The following NUMB variants were observed in gnomAD, a reference collection of about 807,000 sequenced individuals.
NUMB encodes protein numb homolog.
NUMB carries 29 observed loss-of-function variants against 59.7 expected under a neutral mutation model. That is an observed-to-expected ratio of 0.49 (90% confidence interval 0.36 to 0.66). The LOEUF (loss-of-function observed/expected upper bound fraction) is 0.66, where lower values mean the gene tolerates loss of function less well. Among genes scored for constraint, NUMB ranks in the 30% least tolerant of loss-of-function variants. The pLI is 0.00. For missense variants in NUMB, 723 were observed against 822.0 expected (o/e 0.88, Z 1.47); for synonymous variants, 288 against 288.2 (o/e 1.00, Z 0.01).
chr14:73,276,411 T>G lies in NUMB; in HGVS notation c.*167A>C. ...TTCTCTAGGAATGCTTTTTCCCATG[T>G]CTTTCAAAATCACCCCTCACAGTAC... On this transcript the variant is annotated 3_prime_UTR_variant, in exon 13 of 13. Transcript: ENST00000555238. 1 of 577,276 alleles carries G rather than the reference T, an allele frequency of 1.7e-6. No homozygotes were observed. The allele number at this position is 577,276 out of a possible 1,614,324, so 35.8% of individuals were successfully genotyped here.
At chr14:73,452,934 T>C (rs183742404) in intron 1 of NUMB, among the ~76,000 whole-genome samples, 10 of 152,252 alleles carry the variant, frequency 6.6e-5, no homozygotes, top group African/African-American at 2.4e-4. Context: ...AGGAGAATGT[T>C]GCAAATAGAA....
intron 1 of NUMB, among the ~76,000 whole-genome samples, chr14:73,436,375 A>G (rs1898054572): frequency 6.6e-6 from 1 of 152,106 alleles, no homozygotes; most frequent in South Asian, 2.1e-4. Context: ...GGACCACAGT[A>G]GCGTGATCTC....
rs1048890717 is a variant in NUMB at position 73,410,417 on chromosome 14, G to A, written c.-232-349C>T. 2.4e-4 allele frequency among the ~76,000 whole-genome samples: 36 copies of A among 152,142 alleles called. 1 individual carries two copies. Among genetic ancestry groups the A allele is most frequent in the African/African-American group, 8.4e-4 (35 of 41,432 alleles). ...TTGGGCTAGGAGTCAGAAGACCTGG[G>A]TTCCAAACTCAGTGATCATTCTCCC... On this transcript the variant is annotated intron_variant, in intron 1 of 12. Coordinates refer to ENST00000555238, the MANE Select transcript of NUMB (RefSeq NM_001005743.2).
intron 2 of NUMB, among the ~76,000 whole-genome samples, chr14:73,372,004 G>A (rs1276749765): frequency 1.3e-5 from 2 of 151,988 alleles, no homozygotes; most frequent in Non-Finnish European, 2.9e-5. Flanking sequence ...GGCAGGCGTG[G>A]GAGGATCACT....
intron 4 of NUMB, among the ~76,000 whole-genome samples, chr14:73,347,327 T>C (rs940752326): frequency 2.0e-5 from 3 of 152,202 alleles, no homozygotes; most frequent in Non-Finnish European, 4.4e-5. Context: ...ACTGTACATA[T>C]TTAAACTCTA....
At chr14:73,435,642 A>C (rs896091678) in intron 1 of NUMB, among the ~76,000 whole-genome samples, 1 of 152,068 alleles carries the variant, frequency 6.6e-6, no homozygotes, top group Non-Finnish European at 1.5e-5. Context: ...CATTCACCCA[A>C]GAGAAATGAA....
At chr14:73,411,883 G>GTGCT (rs1327079893) in intron 1 of NUMB, among the ~76,000 whole-genome samples, 1 of 149,500 alleles carries the variant, frequency 6.7e-6, no homozygotes, top group Non-Finnish European at 1.5e-5. Context: ...CAATGCAATA[G>GTGCT]TGCTGTTCCT....
At chr14:73,326,424 T>G (rs1298183356) in intron 4 of NUMB, among the ~76,000 whole-genome samples, 1 of 151,984 alleles carries the variant, frequency 6.6e-6, no homozygotes, top group Non-Finnish European at 1.5e-5. Context: ...GTCAGGAGTT[T>G]GAGACCAGCT....
chr14:73,395,037 T>TTTTGTGTG (rs1230785169), intron 2 of NUMB, among the ~76,000 whole-genome samples: 3 of 119,922 alleles, frequency 2.5e-5, no homozygotes, highest in Non-Finnish European at 5.1e-5. Flanking sequence ...ATTCGTGTGT[T>TTTTGTGTG]TGTGTGTGTG....
chr14:73,355,616 C>T lies in NUMB; in HGVS notation c.126+10G>A, dbSNP rs1893742528. The T allele has an allele frequency of 1.2e-6, 2 of 1,607,988 alleles. No individual in the cohort carries two copies. The highest frequency in any genetic ancestry group is 1.7e-6 in the Non-Finnish European group (2 of 1,178,152). ...TCCACATACAGACTTATAGAAACAT[C>T]AGCTCTTACCTTAACCGGGAAGCTA... On this transcript the variant is annotated intron_variant, in intron 4 of 12. Coordinates refer to ENST00000555238, the MANE Select transcript of NUMB (RefSeq NM_001005743.2).
At position 73,339,326 on chromosome 14, in the gene NUMB, C is replaced by A. The variant is rs188843619; in HGVS notation, c.127-16122G>T. 5.7e-4 allele frequency among the ~76,000 whole-genome samples: 86 copies of A among 152,138 alleles called. 1 individual carries two copies. Among genetic ancestry groups the A allele is most frequent in the African/African-American group, 2.0e-3 (84 of 41,532 alleles). On this transcript the variant is annotated intron_variant, in intron 4 of 12. Transcript: ENST00000555238. The stretch of plus-strand genomic sequence containing the variant: ...TCTGGTATCCTGTTACTTATCTAAT[C>A]TCATCTCATCTCTGCCTGTACCTTT...
chr14:73,374,866 G>A (rs893319538), intron 2 of NUMB, among the ~76,000 whole-genome samples: 1 of 151,586 alleles, frequency 6.6e-6, no homozygotes, highest in Admixed American at 6.6e-5. Flanking sequence ...GATTACAGGC[G>A]CCCACCACCA....
At chr14:73,372,305 T>TTTTA (rs375615684) in intron 2 of NUMB, among the ~76,000 whole-genome samples, 158 of 85,980 alleles carry the variant, frequency 1.8e-3, no homozygotes, top group African/African-American at 7.0e-3. Flanking sequence ...TATATTTCTT[T>TTTTA]TATATATATA....
intron 3 of NUMB, among the ~76,000 whole-genome samples, chr14:73,361,738 AC>A (rs1170149449): frequency 2.6e-5 from 4 of 152,162 alleles, no homozygotes; most frequent in Non-Finnish European, 5.9e-5. Context: ...TGTGCTAGGT[AC>A]TAGAAGAGCC....
chr14:73,317,196 C>G (rs1485485695), intron 5 of NUMB, among the ~76,000 whole-genome samples: 1 of 152,172 alleles, frequency 6.6e-6, no homozygotes, highest in Non-Finnish European at 1.5e-5. Context: ...GCTGAGAAAA[C>G]AAGTATCCTA....
chr14:73,283,477 C>T (rs552515029), intron 10 of NUMB, among the ~76,000 whole-genome samples: 6 of 152,270 alleles, frequency 3.9e-5, no homozygotes, highest in East Asian at 1.9e-4. Context: ...GATTTTATGA[C>T]GAGGATAGAC....
intron 4 of NUMB, among the ~76,000 whole-genome samples, chr14:73,332,825 T>G (rs1348788977): frequency 6.6e-6 from 1 of 151,090 alleles, no homozygotes; most frequent in Non-Finnish European, 1.5e-5. Flanking sequence ...GATTTACCTA[T>G]CCTGGATATT....
At chr14:73,306,771 C>T (rs972326064) in intron 6 of NUMB, among the ~76,000 whole-genome samples, 22 of 152,228 alleles carry the variant, frequency 1.4e-4, no homozygotes, top group Admixed American at 3.9e-4. Flanking sequence ...CATGTCTTTA[C>T]CTATCTGATT....
rs370959695 is a variant in NUMB, at chr14:73,448,932, G to A, written c.-233+9561C>T. Among the ~76,000 whole-genome samples, 53 of 151,876 alleles carry A rather than the reference G, an allele frequency of 3.5e-4. No homozygotes were observed. In the South Asian group the frequency reaches 7.3e-3, roughly 21 times the overall value. On this transcript the variant is annotated intron_variant, in intron 1 of 12. Coordinates refer to ENST00000555238, the MANE Select transcript of NUMB (RefSeq NM_001005743.2). ...TTATGTATAATGGCATAGTACAGTCGGTCCTCTGTATCCATGGGTCCCACA... is the reference window on the plus strand; with the variant it reads ...TTATGTATAATGGCATAGTACAGTCAGTCCTCTGTATCCATGGGTCCCACA...
Sources: gnomAD v4.1 joint callset for allele counts (sites outside exome capture counted in the v4.1 genomes callset) on GRCh38, gnomAD v4.1.1 for gene constraint, MANE v1.5 for transcripts, NCBI Gene and HGNC (gene_info 2026-07-23, HGNC 2026-07-21) for gene names.